The following ITPR3 variants were observed in gnomAD, a reference collection of about 807,000 sequenced individuals.
ITPR3 encodes the protein inositol 1,4,5-trisphosphate-gated calcium channel ITPR3.
ITPR3 carries 173 observed loss-of-function variants against 293.2 expected under a neutral mutation model. That is an observed-to-expected ratio of 0.59 (90% CI 0.52 to 0.67). ITPR3 has a LOEUF of 0.67. Ranked by LOEUF, ITPR3 falls within the 30% of genes least tolerant of loss-of-function variation. The pLI is 0.00. For missense variants in ITPR3, 2,796 were observed against 3,592.1 expected (o/e 0.78, Z 5.66); for synonymous variants, 1,295 against 1,444.4 (o/e 0.90, Z 2.35).
rs1764647021 is a variant in ITPR3, at chr6:33,667,690, T to C, written c.1714-102T>C. ...CCTGGACCTCTGCCTTTCTAGGGTA[T>C]TGGGTCCTTACCTCGGGGTTTGGGG... On this transcript the variant is annotated intron_variant, in intron 15 of 57. Coordinates refer to ENST00000605930, the MANE Select transcript of ITPR3 (RefSeq NM_002224.4). The surrounding 1 kb of genome is among the most constrained non-coding windows in gnomAD (Gnocchi z 4.4). The C allele has an allele frequency of 7.7e-7, 1 of 1,300,900 alleles. No homozygotes were observed. The highest frequency in any genetic ancestry group is 1.1e-6 in the Non-Finnish European group (1 of 935,098). The allele number at this position is 1,300,900 out of a possible 1,614,324, so 80.6% of individuals were successfully genotyped here.
chr6:33,658,735 G>A lies in ITPR3; in HGVS notation c.435G>A (p.Lys145=). The A allele has an allele frequency of 6.2e-7, 1 of 1,614,224 alleles. No individual in the cohort carries two copies. Among genetic ancestry groups the A allele is most frequent in the African/African-American group, 1.3e-5 (1 of 75,066 alleles). ...VNKRLPALLE[K]NAMRVTLDAT... is the part of the protein sequence containing the mutation. Reference sequence around the variant, plus strand: ...AGCGGCTTCCGGCCTTGCTGGAGAAGAACGCCATGCGGGTGACTCTGGATG... The same window carrying A: ...AGCGGCTTCCGGCCTTGCTGGAGAAAAACGCCATGCGGGTGACTCTGGATG... The change falls in exon 5 of 58, where the codon AAG becomes AAA. Residue 145 remains lysine (K), a synonymous_variant. Transcript: ENST00000605930. The surrounding 1 kb of genome is among the most constrained non-coding windows in gnomAD (Gnocchi z 6.1).
intron 1 of ITPR3, among the ~76,000 whole-genome samples, chr6:33,636,642 G>A (rs1424091265): frequency 6.6e-6 from 1 of 152,006 alleles, no homozygotes; most frequent in African/African-American, 2.4e-5. Context: ...GGAGGAGCAT[G>A]TTCCGGTGGG....
Position 33,688,116 on chromosome 6 carries a change from G to C in ITPR3, c.6324G>C (p.Glu2108Asp), listed in dbSNP as rs545766456. ...TCAAGTCCTCAGCGCCAGCACAGGA[G>C]GAGGAGGAAGACCCCCTGGCCTACT... ...QMLKSSAPAQ[E>D]EEEDPLAYYE... The change falls in exon 47 of 58, where the codon GAG becomes GAC. Residue 2108 changes from glutamate (E) to aspartate (D), a missense_variant. By Grantham distance (45) the Glu-to-Asp change is conservative. This residue lies in a region of ITPR3 where 568 missense variants were observed against 796.1 expected (regional missense o/e 0.71). Transcript: ENST00000605930. 3.7e-6 allele frequency: 6 copies of C among 1,614,032 alleles called. No individual in the cohort carries two copies. In the South Asian group the frequency reaches 6.6e-5, roughly 18 times the overall value.
rs3818521 is a variant in ITPR3 at position 33,689,469 on chromosome 6, C to T, written c.6867+59C>T. ...AGCTCATGCTCACTGTGCATTCAGACGGCAAGCTGGCCTGCTGCTTCCAGG... is the reference window on the plus strand; with the variant it reads ...AGCTCATGCTCACTGTGCATTCAGATGGCAAGCTGGCCTGCTGCTTCCAGG... On this transcript the variant is annotated intron_variant, in intron 50 of 57. Transcript: ENST00000605930. The T allele has an allele frequency of 0.46, 729,485 of 1,573,584 alleles. 180,436 individuals are homozygous for T. The highest frequency in any genetic ancestry group is 0.82 in the East Asian group (36,568 of 44,458).
intron 22 of ITPR3, 106 bp from the exon 23 acceptor site, chr6:33,673,485 C>A: frequency 1.4e-6 from 2 of 1,434,366 alleles, no homozygotes; most frequent in Non-Finnish European, 9.6e-7. Context: ...GTGCTAGAGC[C>A]TATTTGGGGG....
Position 33,672,108 on chromosome 6 carries a change from C to T in ITPR3, c.2808C>T (p.Phe936=). ...TMVLSRKQSV[F]SAPSLSAGAS... ...TGCTGAGCCGCAAGCAGTCCGTCTT[C>T]AGTGCCCCCAGCCTGTCTGCTGGGG... Residue 936 remains phenylalanine (F), a synonymous_variant, in exon 22 of 58, where the codon TTC becomes TTT. Transcript: ENST00000605930. This position sits in a 1 kb window ranked among gnomAD's most constrained non-coding sequence, Gnocchi z 5.0. 6.2e-7 allele frequency: 1 copy of T among 1,613,912 alleles called. No homozygotes were observed. Among genetic ancestry groups the T allele is most frequent in the Non-Finnish European group, 8.5e-7 (1 of 1,179,942 alleles).
intron 51 of ITPR3, 36 bp from the exon 52 acceptor site, chr6:33,690,881 T>A (rs760381799): frequency 1.6e-5 from 25 of 1,598,334 alleles, no homozygotes; most frequent in Non-Finnish European, 1.2e-5. Flanking sequence ...GCCCAGCCCC[T>A]CAAGGTGCCA....
At position 33,670,391 on chromosome 6, in the gene ITPR3, C is replaced by A; in HGVS notation, c.2256C>A (p.Ser752=). ...AGTACTTGGCCATCGACGAGATCTC[C>A]CAGCAGCTGGGCGTGGACCTGATTT... is the stretch of plus-strand genomic sequence containing the variant. ...DRQYLAIDEI[S]QQLGVDLIFL... is the part of the protein sequence containing the mutation. Residue 752 remains serine, a synonymous_variant, in exon 19 of 58, where the codon TCC becomes TCA. Coordinates refer to ENST00000605930, the MANE Select transcript of ITPR3 (RefSeq NM_002224.4). The surrounding 1 kb of genome is among the most constrained non-coding windows in gnomAD (Gnocchi z 6.7). The A allele has an allele frequency of 6.2e-7, 1 of 1,614,124 alleles. No homozygotes were observed. Among genetic ancestry groups the A allele is most frequent in the Non-Finnish European group, 8.5e-7 (1 of 1,180,030 alleles).
intron 1 of ITPR3, among the ~76,000 whole-genome samples, chr6:33,631,504 T>C (rs2151280295): frequency 6.6e-6 from 1 of 152,322 alleles, no homozygotes; most frequent in East Asian, 1.9e-4. Flanking sequence ...GTAAGAAAGA[T>C]CGAAGACTTT....
chr6:33,676,942 G>A lies in ITPR3; in HGVS notation c.3447+10G>A. 1.9e-6 allele frequency: 3 copies of A among 1,614,064 alleles called. No homozygotes were observed. Among genetic ancestry groups the A allele is most frequent in the Non-Finnish European group, 2.5e-6 (3 of 1,179,940 alleles). ...CAAGGACAAGAAAGAGGTAAGTGGG[G>A]CTCCAGGGGGCCAGGGCAGGCCTCC... On this transcript the variant is annotated intron_variant, in intron 26 of 57. Coordinates refer to ENST00000605930, the MANE Select transcript of ITPR3 (RefSeq NM_002224.4).
At chr6:33,663,201 T>G (rs1307723202) in intron 9 of ITPR3, among the ~76,000 whole-genome samples, 195 bp downstream of exon 9, 1 of 152,258 alleles carries the variant, frequency 6.6e-6, no homozygotes, top group Non-Finnish European at 1.5e-5. Flanking sequence ...ACTGTGCTCC[T>G]ACTATGTGCC....
Position 33,684,648 on chromosome 6 carries a change from G to A in ITPR3, c.5097G>A (p.Lys1699=), listed in dbSNP as rs368373121. The A allele has an allele frequency of 7.6e-5, 123 of 1,614,138 alleles. 1 individual carries two copies. The East Asian group carries it at 2.3e-3, about 30-fold the overall frequency. ...MLLQNYLQNR[K]STSRGDLPDP... ...TGCAAAACTACCTCCAGAACCGGAA[G>A]TCCACCTCGCGGGGGGACCTTCCCG... The change falls in exon 38 of 58, where the codon AAG becomes AAA. Residue 1699 remains lysine, a synonymous_variant. Transcript: ENST00000605930. The surrounding 1 kb of genome is among the most constrained non-coding windows in gnomAD (Gnocchi z 4.2).
At chr6:33,695,537 G>T (rs776902137) in intron 57 of ITPR3, 175 bp from the exon 58 acceptor site, 8 of 644,594 alleles carry the variant, frequency 1.2e-5, no homozygotes, top group South Asian at 1.1e-4. Flanking sequence ...TGAGAACAAG[G>T]GTTTGGTGCT....
At chr6:33,685,937 G>C in intron 41 of ITPR3, 110 bp downstream of exon 41, 1 of 1,509,108 alleles carries the variant, frequency 6.6e-7, no homozygotes, top group Non-Finnish European at 9.0e-7. Flanking sequence ...CCTGGGCACT[G>C]CTGCTTTGTG....
chr6:33,647,859 G>T (rs891072464), intron 2 of ITPR3, among the ~76,000 whole-genome samples: 6 of 151,930 alleles, frequency 3.9e-5, no homozygotes, highest in African/African-American at 1.2e-4. Flanking sequence ...GAGCAGGTGC[G>T]CTCCGAGAAT....
chr6:33,645,558 G>A (rs987471407), intron 2 of ITPR3, among the ~76,000 whole-genome samples: 6 of 152,130 alleles, frequency 3.9e-5, no homozygotes, highest in East Asian at 1.9e-4. Context: ...CCTTAGGCTC[G>A]TGTGCTCGGG....
At chr6:33,663,936 C>A in intron 11 of ITPR3, 56 bp downstream of exon 11, 1 of 1,601,392 alleles carries the variant, frequency 6.2e-7, no homozygotes, top group Non-Finnish European at 8.5e-7. Context: ...GTGGGCCCTC[C>A]TGTCTCTGGG....
At chr6:33,680,781 G>A (rs990555362) in intron 33 of ITPR3, 101 bp downstream of exon 33, 51 of 1,301,122 alleles carry the variant, frequency 3.9e-5, no homozygotes, top group Non-Finnish European at 5.1e-5. Context: ...TTATAGTACA[G>A]AAAGAAGTAA....
chr6:33,678,424 G>A lies in ITPR3; in HGVS notation c.3652G>A (p.Asp1218Asn). Residue 1218 changes from aspartate to asparagine, a missense_variant, in exon 29 of 58, where the codon GAT becomes AAT. Coordinates refer to ENST00000605930, the MANE Select transcript of ITPR3 (RefSeq NM_002224.4). ...DLLQIPYDKG[D>N]AKMMEILRYT... ...TCTCCCTGACTCCTGTGTCCAGGGT[G>A]ATGCCAAGATGATGGAGATCCTGCG... The A allele has an allele frequency of 1.2e-6, 2 of 1,613,536 alleles. No homozygotes were observed. The highest frequency in any genetic ancestry group is 1.7e-6 in the Non-Finnish European group (2 of 1,179,866).
Sources: gnomAD v4.1 joint callset for allele counts (sites outside exome capture counted in the v4.1 genomes callset) on GRCh38, gnomAD v4.1.1 for gene constraint, gnomAD v4.1.1 regional missense constraint, Gnocchi (gnomAD v3.1) non-coding constraint, MANE v1.5 for transcripts, NCBI Gene and HGNC (gene_info 2026-07-23, HGNC 2026-07-21) for gene names.